The following SPAG16 variants were observed in gnomAD, a reference collection of about 807,000 sequenced individuals.
The protein encoded by SPAG16 is sperm associated antigen 16, also known as sperm-associated antigen 16 protein.
In SPAG16, 86 loss-of-function variants were observed where a neutral mutation model predicts 80.4. That is an observed-to-expected ratio of 1.07 (90% CI 0.90 to 1.28). The LOEUF (loss-of-function observed/expected upper bound fraction) is 1.28, where lower values mean the gene tolerates loss of function less well. SPAG16 is among the 50% of genes most tolerant of loss of function. SPAG16 has a pLI of 0.00. For missense variants in SPAG16, 870 were observed against 765.3 expected, an observed-to-expected ratio of 1.14 and a Z score of -1.61; for synonymous variants, 294 against 265.9, an observed-to-expected ratio of 1.11 and a Z score of -1.03.
intron 11 of SPAG16, among the ~76,000 whole-genome samples, chr2:213,927,987 C>A (rs1510543): frequency 0.87 from 131,662 of 151,990 alleles, 58,888 homozygotes; most frequent in East Asian, 1. Flanking sequence ...ATGTGCAAAC[C>A]AACTATTGTG....
chr2:214,266,302 G>T (rs1402033497), intron 15 of SPAG16, among the ~76,000 whole-genome samples: 1 of 151,884 alleles, frequency 6.6e-6, no homozygotes, highest in Non-Finnish European at 1.5e-5. Context: ...GTTGCCACAA[G>T]AATGTTAGTA....
intron 9 of SPAG16, among the ~76,000 whole-genome samples, chr2:213,475,078 A>G (rs1280971501): frequency 1.3e-5 from 2 of 152,078 alleles, no homozygotes; most frequent in Admixed American, 6.6e-5. Context: ...CTCATCCCCA[A>G]ATTTCTCTGC....
At chr2:213,850,271 T>C (rs1351457191) in intron 10 of SPAG16, among the ~76,000 whole-genome samples, 2 of 152,208 alleles carry the variant, frequency 1.3e-5, no homozygotes, top group African/African-American at 4.8e-5. Flanking sequence ...AAAGATGTGA[T>C]ACCTTTCTTT....
chr2:214,122,405 T>A (rs906589284), intron 14 of SPAG16, among the ~76,000 whole-genome samples: 4 of 151,836 alleles, frequency 2.6e-5, no homozygotes, highest in Admixed American at 2.6e-4. Context: ...AATGCATCAA[T>A]TCACATTACC....
chr2:213,943,212 G>A (rs1328408673), intron 12 of SPAG16, among the ~76,000 whole-genome samples: 1 of 152,204 alleles, frequency 6.6e-6, no homozygotes, highest in Non-Finnish European at 1.5e-5. Flanking sequence ...TAGAAGTGGA[G>A]TGCTACTATT....
At chr2:213,702,955 C>T (rs977427138) in intron 10 of SPAG16, among the ~76,000 whole-genome samples, 1 of 152,166 alleles carries the variant, frequency 6.6e-6, no homozygotes, top group African/African-American at 2.4e-5. Flanking sequence ...ACGCGCTCTA[C>T]CCTTCTATGT....
intron 10 of SPAG16, among the ~76,000 whole-genome samples, chr2:213,632,037 G>C (rs141114188): frequency 1.3e-5 from 2 of 151,934 alleles, no homozygotes; most frequent in Non-Finnish European, 2.9e-5. Flanking sequence ...TGGTATTTTC[G>C]TAGGGATTGC....
intron 10 of SPAG16, among the ~76,000 whole-genome samples, chr2:213,565,149 G>A (rs964592711): frequency 2.6e-5 from 4 of 152,116 alleles, no homozygotes; most frequent in Non-Finnish European, 4.4e-5. Context: ...CCGCCAACTA[G>A]TTCTATTAAT....
chr2:213,816,954 C>T (rs2072581272), intron 10 of SPAG16, among the ~76,000 whole-genome samples: 1 of 151,724 alleles, frequency 6.6e-6, no homozygotes, highest in Non-Finnish European at 1.5e-5. Context: ...AAACTAGGGC[C>T]TGCAAGAATG....
chr2:214,123,954 A>C (rs1328579811), intron 14 of SPAG16, among the ~76,000 whole-genome samples: 1 of 152,062 alleles, frequency 6.6e-6, no homozygotes, highest in East Asian at 1.9e-4. Flanking sequence ...TAACCCAGCT[A>C]TGAGAAGTTT....
chr2:214,165,826 G>T (rs772612490), intron 15 of SPAG16, among the ~76,000 whole-genome samples: 2 of 151,850 alleles, frequency 1.3e-5, no homozygotes, highest in Non-Finnish European at 2.9e-5. Context: ...CAGAATTTGT[G>T]TTAAGAAAGC....
chr2:214,028,390 C>G (rs1400101421), intron 13 of SPAG16, among the ~76,000 whole-genome samples: 1 of 152,020 alleles, frequency 6.6e-6, no homozygotes, highest in Non-Finnish European at 1.5e-5. Context: ...CAATTCTTGA[C>G]TACTTCATGA....
At chr2:213,945,290 C>CAT (rs1177956339) in intron 12 of SPAG16, among the ~76,000 whole-genome samples, 8 of 141,482 alleles carry the variant, frequency 5.7e-5, no homozygotes, top group African/African-American at 2.1e-4. Context: ...CAAACACACA[C>CAT]ATATATATAC....
At chr2:213,900,509 T>G (rs756016534) in intron 11 of SPAG16, among the ~76,000 whole-genome samples, 10 of 152,168 alleles carry the variant, frequency 6.6e-5, no homozygotes, top group Non-Finnish European at 1.5e-4. Context: ...ATCATGCCCC[T>G]GGAGTTATTC....
At chr2:213,795,137 AAGTGT>A (rs1441504534) in intron 10 of SPAG16, among the ~76,000 whole-genome samples, 11 of 152,142 alleles carry the variant, frequency 7.2e-5, no homozygotes, top group Admixed American at 2.0e-4. Context: ...TTCATTCTCA[AAGTGT>A]AAGAAAGTTC....
At chr2:213,881,633 T>A (rs2076348373) in intron 11 of SPAG16, among the ~76,000 whole-genome samples, 1 of 152,148 alleles carries the variant, frequency 6.6e-6, no homozygotes, top group Non-Finnish European at 1.5e-5. Context: ...GAAGGAGAAG[T>A]GCCAAGGCAG....
At chr2:213,845,887 G>A (rs1201437141) in intron 10 of SPAG16, among the ~76,000 whole-genome samples, 1 of 152,152 alleles carries the variant, frequency 6.6e-6, no homozygotes, top group African/African-American at 2.4e-5. Context: ...TCTGCTCCAT[G>A]TCTCTCAACC....
chr2:214,391,289 C>T (rs1453285114), intron 15 of SPAG16, among the ~76,000 whole-genome samples: 1 of 152,036 alleles, frequency 6.6e-6, no homozygotes, highest in Non-Finnish European at 1.5e-5. Context: ...ATGTAAAACA[C>T]TTAAGGAAAA....
At chr2:213,819,489 C>T (rs2072793436) in intron 10 of SPAG16, among the ~76,000 whole-genome samples, 1 of 152,090 alleles carries the variant, frequency 6.6e-6, no homozygotes, top group South Asian at 2.1e-4. Context: ...CAGTTAATAT[C>T]ACAGGTGTTC....
Sources: allele counts gnomAD v4.1 joint callset (sites outside exome capture counted in the v4.1 genomes callset), GRCh38; gene constraint gnomAD v4.1.1; transcripts MANE v1.5; gene names NCBI Gene and HGNC (gene_info 2026-07-23, HGNC 2026-07-21).